Variants in VAV2 observed in about 807,000 individuals in gnomAD.
VAV2 encodes vav guanine nucleotide exchange factor 2.
Under a neutral mutation model 132.5 loss-of-function variants are expected in VAV2, and 67 were observed. The observed-to-expected ratio is 0.51, with a 90% CI of 0.42 to 0.62. The LOEUF (loss-of-function observed/expected upper bound fraction) is 0.62, where lower values mean the gene tolerates loss of function less well. Ranked by LOEUF, VAV2 falls within the 20% of genes least tolerant of loss-of-function variation. The pLI is 0.00. For missense variants in VAV2, 938 were observed against 1,153.6 expected (o/e 0.81, Z 2.71); for synonymous variants, 492 against 443.5 (o/e 1.11, Z -1.37).
chr9:133,951,600 G>A (rs1368454854), intron 1 of VAV2, among the ~76,000 whole-genome samples: 3 of 152,048 alleles, frequency 2.0e-5, no homozygotes, highest in Non-Finnish European at 4.4e-5. Flanking sequence ...CTGGACCCCC[G>A]GGACCTGCCC....
At chr9:133,898,560 C>G (rs2132002258) in intron 2 of VAV2, among the ~76,000 whole-genome samples, 1 of 152,194 alleles carries the variant, frequency 6.6e-6, no homozygotes, top group Admixed American at 6.5e-5. Flanking sequence ...TGCCACTGTA[C>G]TCCAGCCTGG....
intron 2 of VAV2, among the ~76,000 whole-genome samples, chr9:133,936,336 G>T (rs1432148965): frequency 6.6e-6 from 1 of 150,604 alleles, no homozygotes; most frequent in Non-Finnish European, 1.5e-5. Flanking sequence ...TTCACCTCCT[G>T]GGCTCAAGCA....
rs558982977 is a variant in VAV2 at position 133,823,894 on chromosome 9, G to T, written c.449+10378C>A. ...ACACACGGGAATGCGGAGCGGGCAG[G>T]GTGGTCACGCGCACCTGCTCTGCGT... On this transcript the variant is annotated intron_variant, in intron 4 of 29. Transcript: ENST00000371850. This position sits in a 1 kb window ranked among gnomAD's most constrained non-coding sequence, Gnocchi z 5.5. Among the ~76,000 whole-genome samples the T allele has an allele frequency of 2.0e-5, 3 of 152,282 alleles. No homozygotes were observed. The highest frequency in any genetic ancestry group is 4.1e-4 in the South Asian group (2 of 4,826).
intron 3 of VAV2, among the ~76,000 whole-genome samples, chr9:133,851,631 T>C (rs574763723): frequency 4.6e-5 from 7 of 152,292 alleles, no homozygotes; most frequent in South Asian, 2.1e-4. Context: ...GTTATATTCA[T>C]GTGAAATAGG....
intron 3 of VAV2, among the ~76,000 whole-genome samples, chr9:133,836,076 T>G (rs1167492229): frequency 1.3e-5 from 2 of 152,204 alleles, no homozygotes; most frequent in East Asian, 3.9e-4. Flanking sequence ...GCTCCGTTGC[T>G]GAGACAGTGC....
intron 5 of VAV2, 107 bp from the exon 6 acceptor site, chr9:133,810,312 C>T (rs1265755596): frequency 1.3e-6 from 2 of 1,558,910 alleles, no homozygotes; most frequent in African/African-American, 2.7e-5. Context: ...AACCAGCCAA[C>T]AGACCCAAAG....
Position 133,925,790 on chromosome 9 carries a change from A to G in VAV2, c.321+13313T>C, listed in dbSNP as rs538604978. On this transcript the variant is annotated intron_variant, in intron 2 of 29. Coordinates refer to ENST00000371850, the MANE Select transcript of VAV2 (RefSeq NM_001134398.2). ...CTTCAAAAAACCAGTACTCCTGGAG[A>G]AAGGTCTTCCAGGGTGCCAAGAAAT... 4 of 152,242 alleles carry G rather than the reference A, an allele frequency of 2.6e-5. No individual in the cohort carries two copies. In the East Asian group the frequency reaches 7.7e-4, roughly 29 times the overall value. 9.4% of individuals were successfully genotyped at this position (152,242 alleles called of 1,614,324 possible).
At chr9:133,881,732 C>G (rs971437629) in intron 2 of VAV2, among the ~76,000 whole-genome samples, 1 of 152,204 alleles carries the variant, frequency 6.6e-6, no homozygotes, top group African/African-American at 2.4e-5. Context: ...ATTTAATATT[C>G]TATATTTTCA....
At chr9:133,949,837 G>A (rs1485540481) in intron 1 of VAV2, among the ~76,000 whole-genome samples, 1 of 152,230 alleles carries the variant, frequency 6.6e-6, no homozygotes, top group Non-Finnish European at 1.5e-5. Context: ...AAGGCCAGGA[G>A]GTCCCAGAGA....
chr9:133,905,944 G>A (rs1165230038), intron 2 of VAV2, among the ~76,000 whole-genome samples: 1 of 152,158 alleles, frequency 6.6e-6, no homozygotes, highest in Admixed American at 6.5e-5. Context: ...GGAGGCTGAG[G>A]TAGGAGGATC....
chr9:133,899,612 G>C (rs150573269), intron 2 of VAV2, among the ~76,000 whole-genome samples: 1 of 150,344 alleles, frequency 6.7e-6, no homozygotes, highest in Non-Finnish European at 1.5e-5. Flanking sequence ...GTTTCACCAC[G>C]TTGACTAGGC....
At chr9:133,838,588 T>G (rs1448914195) in intron 3 of VAV2, among the ~76,000 whole-genome samples, 2 of 135,052 alleles carry the variant, frequency 1.5e-5, no homozygotes, top group African/African-American at 2.9e-5. Context: ...GATGGATGAA[T>G]GGGTGGGTGG....
intron 3 of VAV2, among the ~76,000 whole-genome samples, chr9:133,835,072 A>ATATATATG (rs555350896): frequency 1.3e-5 from 2 of 152,062 alleles, no homozygotes; most frequent in African/African-American, 4.8e-5. Context: ...ATATATATAT[A>ATATATATG]ACACATAAAC....
At chr9:133,882,923 C>T (rs1211850822) in intron 2 of VAV2, among the ~76,000 whole-genome samples, 1 of 152,144 alleles carries the variant, frequency 6.6e-6, no homozygotes, top group East Asian at 1.9e-4. Flanking sequence ...TCTGCCATGC[C>T]AAGAAGTCAG....
intron 4 of VAV2, among the ~76,000 whole-genome samples, chr9:133,813,967 G>A (rs1045603524): frequency 5.9e-5 from 9 of 152,212 alleles, no homozygotes; most frequent in African/African-American, 1.9e-4. Context: ...CAGCCAGCAA[G>A]GGGCAGGGCT....
At chr9:133,897,132 A>G (rs1210535362) in intron 2 of VAV2, among the ~76,000 whole-genome samples, 1 of 152,184 alleles carries the variant, frequency 6.6e-6, no homozygotes, top group African/African-American at 2.4e-5. Context: ...TGGGCTTGTG[A>G]GAACGCAGCA....
At chr9:133,820,024 C>T (rs1042041602) in intron 4 of VAV2, among the ~76,000 whole-genome samples, 10 of 152,156 alleles carry the variant, frequency 6.6e-5, no homozygotes, top group East Asian at 5.8e-4. Flanking sequence ...CTCCTATGAC[C>T]GATTCTGCAT....
At position 133,912,536 on chromosome 9, in the gene VAV2, T is replaced by C. The variant is rs544077300; in HGVS notation, c.321+26567A>G. 2.6e-5 allele frequency among the ~76,000 whole-genome samples: 4 copies of C among 152,236 alleles called. No homozygotes were observed. In the South Asian group the frequency reaches 8.3e-4, roughly 32 times the overall value. ...TCCGAGCATGGGAGCTGCAGCCAAA[T>C]TCTGGGGGTGGGGGCACACGGGGAG... On this transcript the variant is annotated intron_variant, in intron 2 of 29. Coordinates refer to ENST00000371850, the MANE Select transcript of VAV2 (RefSeq NM_001134398.2). The surrounding 1 kb of genome is among the most constrained non-coding windows in gnomAD (Gnocchi z 4.3).
chr9:133,809,179 C>T (rs1430815178), intron 6 of VAV2, 41 bp from the exon 7 acceptor site: 20 of 1,563,290 alleles, frequency 1.3e-5, no homozygotes, highest in East Asian at 2.2e-5. Context: ...CCCATGGGCC[C>T]GGCCACCTGC....
Sources: allele counts gnomAD v4.1 joint callset (sites outside exome capture counted in the v4.1 genomes callset), GRCh38; gene constraint gnomAD v4.1.1; non-coding constraint Gnocchi (gnomAD v3.1); transcripts MANE v1.5; gene names NCBI Gene and HGNC (gene_info 2026-07-23, HGNC 2026-07-21).